The following NYAP2 variants were observed in gnomAD, a reference collection of about 807,000 sequenced individuals.
The protein encoded by NYAP2 is neuronal tyrosine-phosphorylated phosphoinositide-3-kinase adapter 2.
Under a neutral mutation model 50.4 loss-of-function variants are expected in NYAP2, and 23 were observed. The observed-to-expected ratio is 0.46, with a 90% CI of 0.33 to 0.65. The LOEUF is 0.65. Ranked by LOEUF, NYAP2 falls within the 30% of genes least tolerant of loss-of-function variation. NYAP2 has a pLI of 0.02. For missense variants in NYAP2, 885 were observed against 861.0 expected (o/e 1.03, Z -0.35); for synonymous variants, 394 against 365.2 (o/e 1.08, Z -0.90).
At chr2:225,615,892 GA>G (rs1301858685) in intron 5 of NYAP2, among the ~76,000 whole-genome samples, 1 of 152,208 alleles carries the variant, frequency 6.6e-6, no homozygotes, top group Non-Finnish European at 1.5e-5. Context: ...GAGCATGGCA[GA>G]GCAGGGGCAA....
intron 3 of NYAP2, among the ~76,000 whole-genome samples, chr2:225,436,023 T>C (rs1163943504): frequency 6.6e-6 from 1 of 152,186 alleles, no homozygotes; most frequent in Non-Finnish European, 1.5e-5. Context: ...GATAAAATTA[T>C]TTATTGATCA....
downstream of NYAP2, among the ~76,000 whole-genome samples, chr2:225,658,458 G>C (rs1219862079): frequency 1.3e-5 from 2 of 152,148 alleles, no homozygotes; most frequent in Non-Finnish European, 2.9e-5. Context: ...ATGCTTATTT[G>C]TTATAAAAAT....
intron 4 of NYAP2, among the ~76,000 whole-genome samples, chr2:225,556,005 T>C (rs1691770724): frequency 6.6e-6 from 1 of 152,226 alleles, no homozygotes; most frequent in South Asian, 2.1e-4. Context: ...ATGTATCATA[T>C]AATTGACTTA....
chr2:225,516,692 G>GTA (rs920710860), intron 4 of NYAP2, among the ~76,000 whole-genome samples: 2 of 152,078 alleles, frequency 1.3e-5, no homozygotes, highest in Admixed American at 6.6e-5. Flanking sequence ...AAATGCATGT[G>GTA]TATATATATG....
In NYAP2 at chr2:225,532,701, G is replaced by C. The variant is rs1171814674; in HGVS notation, c.523+19029G>C. Among the ~76,000 whole-genome samples the C allele has an allele frequency of 2.6e-5, 4 of 151,330 alleles. No individual in the cohort carries two copies. In the South Asian group the frequency reaches 6.4e-4, roughly 24 times the overall value. ...TTTTACTTAGTATAAATTTGATTTG[G>C]GGTCTCTAACCCTATAGCATATTAG... is the stretch of plus-strand genomic sequence containing the variant. On this transcript the variant is annotated intron_variant, in intron 4 of 6. Transcript: ENST00000636099.
intron 3 of NYAP2, among the ~76,000 whole-genome samples, chr2:225,451,101 A>G (rs1223806306): frequency 6.6e-6 from 1 of 152,196 alleles, no homozygotes; most frequent in African/African-American, 2.4e-5. Flanking sequence ...TTCAAAAATG[A>G]ATTAAATTAA....
intron 4 of NYAP2, among the ~76,000 whole-genome samples, chr2:225,576,637 C>T (rs1692174323): frequency 6.6e-6 from 1 of 152,140 alleles, no homozygotes; most frequent in South Asian, 2.1e-4. Context: ...GCTTGAATTA[C>T]TTATTTAAAT....
At chr2:225,691,959 C>T in the NYAP2 span, among the ~76,000 whole-genome samples, 2 of 152,154 alleles carry the variant, frequency 1.3e-5, no homozygotes, top group Non-Finnish European at 2.9e-5. Flanking sequence ...GACAGCAACA[C>T]AGGACTGACA....
chr2:225,454,022 T>A (rs532651816), intron 3 of NYAP2, among the ~76,000 whole-genome samples: 2 of 152,154 alleles, frequency 1.3e-5, no homozygotes, highest in South Asian at 4.2e-4. Context: ...TGTGTTGTAA[T>A]GTAAAACTTT....
chr2:225,589,798 T>G (rs1056358363), intron 5 of NYAP2, among the ~76,000 whole-genome samples: 2 of 151,366 alleles, frequency 1.3e-5, no homozygotes, highest in African/African-American at 4.9e-5. Flanking sequence ...TGACAAAGAG[T>G]AGGACAAAAC....
At chr2:225,556,952 G>A (rs1691787680) in intron 4 of NYAP2, among the ~76,000 whole-genome samples, 1 of 152,114 alleles carries the variant, frequency 6.6e-6, no homozygotes, top group African/African-American at 2.4e-5. Context: ...TCATGTTCAG[G>A]TTTACTTCAA....
intron 4 of NYAP2, among the ~76,000 whole-genome samples, chr2:225,552,981 G>A (rs1198635831): frequency 6.6e-6 from 1 of 152,114 alleles, no homozygotes; most frequent in Admixed American, 6.6e-5. Context: ...CCACCACCGT[G>A]CCCAGCCAAC....
rs74662033 is a variant in NYAP2, at chr2:225,643,005, A to G, written c.1829-8427A>G. On this transcript the variant is annotated intron_variant, in intron 6 of 6. Coordinates refer to ENST00000636099, the Ensembl canonical transcript of NYAP2. ...CTAAAAAACAAATACACAGACAAAAACAAAAATGCTGACCAGAAAACAGGA... is the reference window on the plus strand; with the variant it reads ...CTAAAAAACAAATACACAGACAAAAGCAAAAATGCTGACCAGAAAACAGGA... Among the ~76,000 whole-genome samples the G allele has an allele frequency of 5.4e-3, 819 of 152,356 alleles. 11 individuals carry two copies. The highest frequency in any genetic ancestry group is 0.019 in the African/African-American group (790 of 41,598).
chr2:225,477,566 T>C lies in NYAP2; in HGVS notation c.222-35805T>C, dbSNP rs115001586. On this transcript the variant is annotated intron_variant, in intron 3 of 6. Coordinates refer to ENST00000636099, the Ensembl canonical transcript of NYAP2. Reference sequence around the variant, plus strand: ...TCTCTATTTCTAACAAGTTCACAGATCTTACTGATACTGCTGGTCTCTGGA... The same window carrying C: ...TCTCTATTTCTAACAAGTTCACAGACCTTACTGATACTGCTGGTCTCTGGA... Among the ~76,000 whole-genome samples the C allele has an allele frequency of 8.7e-3, 1,318 of 152,176 alleles. 18 individuals carry two copies. The highest frequency in any genetic ancestry group is 0.03 in the African/African-American group (1,257 of 41,512).
intron 5 of NYAP2, among the ~76,000 whole-genome samples, chr2:225,610,430 G>A (rs2106246860): frequency 6.6e-6 from 1 of 152,132 alleles, no homozygotes; most frequent in African/African-American, 2.4e-5. Flanking sequence ...TCATTACCTT[G>A]TTAAAGGGCC....
chr2:225,647,606 C>A (rs1693656598), intron 6 of NYAP2, among the ~76,000 whole-genome samples: 1 of 152,168 alleles, frequency 6.6e-6, no homozygotes, highest in Non-Finnish European at 1.5e-5. Context: ...TTTGTTACAT[C>A]ATTGCCTCCT....
At chr2:225,501,115 T>C (rs1414004871) in intron 3 of NYAP2, among the ~76,000 whole-genome samples, 1 of 152,202 alleles carries the variant, frequency 6.6e-6, no homozygotes, top group African/African-American at 2.4e-5. Context: ...TGCCACTTCT[T>C]TGAGTTGTTT....
At chr2:225,684,698 C>G in the NYAP2 span, among the ~76,000 whole-genome samples, 1 of 151,978 alleles carries the variant, frequency 6.6e-6, no homozygotes, top group Non-Finnish European at 1.5e-5. Context: ...TTACAGGCAC[C>G]TGCCATCATG....
At chr2:225,662,208 T>A in the NYAP2 span, among the ~76,000 whole-genome samples, 1 of 152,186 alleles carries the variant, frequency 6.6e-6, no homozygotes, top group East Asian at 1.9e-4. Flanking sequence ...AAAGTTGACA[T>A]GAGGTTGGGA....
Sources: gnomAD v4.1 joint callset for allele counts (sites outside exome capture counted in the v4.1 genomes callset) on GRCh38, gnomAD v4.1.1 for gene constraint, MANE v1.5 for transcripts, NCBI Gene and HGNC (gene_info 2026-07-23, HGNC 2026-07-21) for gene names.